Variants in TULP4 observed in about 807,000 individuals in gnomAD.
TULP4 encodes tubby-related protein 4.
In TULP4, 16 loss-of-function variants were observed where a neutral mutation model predicts 129.0. The observed-to-expected ratio is 0.12, with a 90% CI of 0.08 to 0.19. TULP4 has a LOEUF of 0.19. Ranked by LOEUF, TULP4 falls within the 10% of genes least tolerant of loss-of-function variation. The probability of loss-of-function intolerance (pLI) is 1.00; values close to 1 mark genes in which losing one functional copy is unlikely to be tolerated. For synonymous variants in TULP4, 998 were observed against 854.0 expected, an observed-to-expected ratio of 1.17 and a Z score of -2.94; for missense variants, 1,842 against 2,059.1, an observed-to-expected ratio of 0.89 and a Z score of 2.04.
At chr6:158,232,368 G>A (rs1043550916) in intron 1 of TULP4, 2 of 148,800 alleles carry the variant, frequency 1.3e-5, no homozygotes, top group African/African-American at 4.9e-5. Flanking sequence ...CGGCCCGAGC[G>A]TCGTCCCTGC....
At chr6:158,290,313 C>T (rs1778912204) in intron 1 of TULP4, among the ~76,000 whole-genome samples, 1 of 152,162 alleles carries the variant, frequency 6.6e-6, no homozygotes, top group South Asian at 2.1e-4. Context: ...ACCTGCTCTC[C>T]ATTTGTTGTC....
chr6:158,400,017 G>A (rs964214093), intron 1 of TULP4, among the ~76,000 whole-genome samples: 3 of 152,220 alleles, frequency 2.0e-5, no homozygotes, highest in Non-Finnish European at 4.4e-5. Context: ...ATTGTAGGCT[G>A]TTGTCTAATT....
chr6:158,308,261 T>G (rs1301607064), upstream of TULP4, among the ~76,000 whole-genome samples: 3 of 146,144 alleles, frequency 2.1e-5, no homozygotes, highest in Admixed American at 2.1e-4. Context: ...GCACCGCCCT[T>G]AATCCATTTA....
chr6:158,313,714 C>G lies in TULP4; in HGVS notation c.-303C>G. 4.2e-6 allele frequency: 2 copies of G among 474,874 alleles called. No individual in the cohort carries two copies. The highest frequency in any genetic ancestry group is 6.4e-5 in the East Asian group (2 of 31,274). 29.4% of individuals were successfully genotyped at this position (474,874 alleles called of 1,614,324 possible). The stretch of plus-strand genomic sequence containing the variant: ...CACCACTTAATTAACGATGCTCTTT[C>G]TCCAAAGGATCAGCACGTTCTTCCT... On this transcript the variant is annotated 5_prime_UTR_variant, in exon 1 of 14. Transcript: ENST00000367097.
chr6:158,444,510 C>T lies in TULP4; in HGVS notation c.544-4486C>T, dbSNP rs1778986519. Among the ~76,000 whole-genome samples, 6 of 152,142 alleles carry T rather than the reference C, an allele frequency of 3.9e-5. No individual in the cohort carries two copies. The South Asian group carries it at 1.2e-3, about 32-fold the overall frequency. ...TCCAATACTACAAATTAAACTCTTA[C>T]AAAAGAGTGAACATTTTTGGAAGCA... On this transcript the variant is annotated intron_variant, in intron 3 of 13. Coordinates refer to ENST00000367097, the MANE Select transcript of TULP4 (RefSeq NM_020245.5).
chr6:158,279,464 A>C (rs969466054), upstream of TULP4, among the ~76,000 whole-genome samples: 1 of 152,158 alleles, frequency 6.6e-6, no homozygotes, highest in African/African-American at 2.4e-5. Context: ...TCATGGGAAG[A>C]CGGTAATATT....
intron 1 of TULP4, among the ~76,000 whole-genome samples, chr6:158,384,012 T>C (rs1267425882): frequency 3.3e-5 from 5 of 152,192 alleles, no homozygotes; most frequent in Non-Finnish European, 1.5e-5. Flanking sequence ...ATCCCAAGAC[T>C]GTGGCTAGAG....
chr6:158,328,989 TG>T (rs1377876951), intron 1 of TULP4, among the ~76,000 whole-genome samples: 1 of 152,120 alleles, frequency 6.6e-6, no homozygotes, highest in East Asian at 1.9e-4. Flanking sequence ...TGGTATAGGA[TG>T]GGTGGGAAGG....
chr6:158,250,440 G>C (rs1778119354), intron 1 of TULP4, among the ~76,000 whole-genome samples: 3 of 152,212 alleles, frequency 2.0e-5, no homozygotes, highest in Non-Finnish European at 4.4e-5. Context: ...ACAGGCATGA[G>C]CCACTATACC....
intron 1 of TULP4, among the ~76,000 whole-genome samples, chr6:158,369,432 A>G (rs892054576): frequency 2.6e-5 from 4 of 152,208 alleles, no homozygotes; most frequent in Non-Finnish European, 5.9e-5. Context: ...CAGGGACATC[A>G]CGGCTGAAGT....
rs143188350 is a variant in TULP4 at position 158,461,224 on chromosome 6, C to T, written c.860-339C>T. Reference sequence around the variant, plus strand: ...GTCGGGAGTTCGAGACCAGCCTGACCAACATGGAGAAATCCCATCTCTACT... The same window carrying T: ...GTCGGGAGTTCGAGACCAGCCTGACTAACATGGAGAAATCCCATCTCTACT... On this transcript the variant is annotated intron_variant, in intron 5 of 13. Transcript: ENST00000367097. Among the ~76,000 whole-genome samples, 815 of 152,226 alleles carry T rather than the reference C, an allele frequency of 5.4e-3. 11 individuals carry two copies. The highest frequency in any genetic ancestry group is 0.019 in the African/African-American group (777 of 41,548).
chr6:158,242,288 G>C, intron 1 of TULP4: 1 of 1,556,286 alleles, frequency 6.4e-7, no homozygotes, highest in Non-Finnish European at 8.8e-7. Flanking sequence ...GCAGTGTTTA[G>C]CACAGCTCAT....
At chr6:158,337,458 C>T (rs1265949629) in intron 1 of TULP4, among the ~76,000 whole-genome samples, 2 of 152,086 alleles carry the variant, frequency 1.3e-5, no homozygotes, top group African/African-American at 4.8e-5. Context: ...GCCTTTTCTC[C>T]CTGATACAGA....
chr6:158,353,738 T>C (rs1046975718), intron 1 of TULP4, among the ~76,000 whole-genome samples: 1 of 152,258 alleles, frequency 6.6e-6, no homozygotes, highest in Non-Finnish European at 1.5e-5. Context: ...CACTTTTATC[T>C]TCTATCTTTA....
At chr6:158,429,940 T>C (rs768521631) in intron 3 of TULP4, 43 bp downstream of exon 3, 5 of 1,588,318 alleles carry the variant, frequency 3.1e-6, no homozygotes, top group East Asian at 2.3e-5. Context: ...GTTAAAACCA[T>C]GAGGGCTGGG....
At chr6:158,416,603 G>A (rs1256634745) in intron 2 of TULP4, among the ~76,000 whole-genome samples, 1 of 152,114 alleles carries the variant, frequency 6.6e-6, no homozygotes. Flanking sequence ...AGTTTAAAAA[G>A]TAAAACAGTT....
intron 2 of TULP4, among the ~76,000 whole-genome samples, chr6:158,420,725 C>A (rs920969974): frequency 6.6e-6 from 1 of 152,052 alleles, no homozygotes; most frequent in South Asian, 2.1e-4. Context: ...CTCAGGTGAT[C>A]CACCTTCCAC....
intron 1 of TULP4, among the ~76,000 whole-genome samples, chr6:158,297,470 C>A (rs939296362): frequency 6.6e-6 from 1 of 151,860 alleles, no homozygotes; most frequent in African/African-American, 2.4e-5. Context: ...ACGAAGATAA[C>A]GGGATTAAAA....
chr6:158,475,413 AAATT>A (rs1562582165), intron 6 of TULP4, among the ~76,000 whole-genome samples: 1 of 152,260 alleles, frequency 6.6e-6, no homozygotes, highest in African/African-American at 2.4e-5. Context: ...CTCCCTATGC[AAATT>A]AAGATTTGAA....
Sources: allele counts gnomAD v4.1 joint callset (sites outside exome capture counted in the v4.1 genomes callset), GRCh38; gene constraint gnomAD v4.1.1; transcripts MANE v1.5; gene names NCBI Gene and HGNC (gene_info 2026-07-23, HGNC 2026-07-21).